The following SETD9 variants were observed in gnomAD, a reference collection of about 807,000 sequenced individuals.
SETD9 encodes SET domain-containing protein 9.
A neutral mutation model predicts 36.4 loss-of-function variants in SETD9; 37 were observed. The ratio of observed to expected loss-of-function variants is 1.02; its 90% CI spans 0.78 to 1.34. The LOEUF (loss-of-function observed/expected upper bound fraction) is 1.34. SETD9 is among the 40% of genes most tolerant of loss of function. The pLI, the probability that SETD9 is intolerant of heterozygous loss-of-function variation, is 0.00. For synonymous variants in SETD9, 128 were observed against 132.9 expected, an observed-to-expected ratio of 0.96 and a Z score of 0.26; for missense variants, 323 against 353.2, an observed-to-expected ratio of 0.91 and a Z score of 0.69.
downstream of SETD9, among the ~76,000 whole-genome samples, chr5:56,927,633 T>C (rs1228699588): frequency 2.0e-5 from 3 of 152,192 alleles, no homozygotes; most frequent in Admixed American, 1.3e-4. Flanking sequence ...AGAGAGTTCC[T>C]ATATATCCTG....
Position 56,914,966 on chromosome 5 carries a change from G to T in SETD9, c.812G>T (p.Ser271Ile). ...PNIAYSYDKQ[S>I]PLRCVVLVAL... Reference sequence around the variant, plus strand: ...ATTGCCTACAGCTATGACAAACAAAGGTTCGTTTGCTAAAAGAGCATTTCA... The same window carrying T: ...ATTGCCTACAGCTATGACAAACAAATGTTCGTTTGCTAAAAGAGCATTTCA... Residue 271 changes from serine to isoleucine, a missense_variant and splice_region_variant, in exon 5 of 6, where the codon AGC (serine) becomes ATC (isoleucine). Ser to Ile is a moderately radical substitution (Grantham distance 142). Transcript: ENST00000285947. 6.3e-7 allele frequency: 1 copy of T among 1,578,842 alleles called. No homozygotes were observed. The highest frequency in any genetic ancestry group is 1.2e-5 in the South Asian group (1 of 86,006).
chr5:56,912,909 GTAAC>G lies in SETD9; in HGVS notation c.467-98_467-95del, dbSNP rs1749219767. 4 of 1,277,706 alleles carry G rather than the reference GTAAC, an allele frequency of 3.1e-6. No individual in the cohort carries two copies. The South Asian group carries it at 5.6e-5, about 18-fold the overall frequency. 79.1% of individuals were successfully genotyped at this position (1,277,706 alleles called of 1,614,324 possible). On this transcript the variant is annotated intron_variant, in intron 2 of 5. Transcript: ENST00000285947. ...GCGTTCACGCTTTAAGAGGGAGAAA[GTAAC>G]TAAAGAGAATGTGATTATATTCCAA... is the stretch of plus-strand genomic sequence containing the variant.
downstream of SETD9, among the ~76,000 whole-genome samples, chr5:56,919,156 C>T (rs1321908673): frequency 2.2e-5 from 3 of 133,562 alleles, no homozygotes; most frequent in Non-Finnish European, 1.5e-5. Flanking sequence ...GATGGAGTCT[C>T]AGTCTGTTGT....
downstream of SETD9, among the ~76,000 whole-genome samples, chr5:56,919,175 G>C (rs1749549813): frequency 6.8e-6 from 1 of 147,216 alleles, no homozygotes; most frequent in Non-Finnish European, 1.5e-5. Context: ...GTCCAGGCTG[G>C]AGTGCAATGG....
upstream of SETD9, chr5:56,909,526 T>C: frequency 1.5e-6 from 1 of 673,960 alleles, no homozygotes; most frequent in East Asian, 3.2e-5. Context: ...CCAGGAACAC[T>C]GAGAGCGGAG....
At position 56,911,177 on chromosome 5, in the gene SETD9, G is replaced by T; in HGVS notation, c.107G>T (p.Arg36Leu). Residue 36 changes from arginine (R) to leucine (L), a missense_variant, in exon 2 of 6, where the codon CGA becomes CTA. Coordinates refer to ENST00000285947, the MANE Select transcript of SETD9 (RefSeq NM_153706.4). ...LNLSHNPRTL[R>L]YVPEESKDKV... ...ACTTTTCCCATTTTCAGGACCCTCC[G>T]ATATGTTCCAGAGGAATCCAAAGAC... is the stretch of plus-strand genomic sequence containing the variant. 6.5e-7 allele frequency: 1 copy of T among 1,540,802 alleles called. No individual in the cohort carries two copies. Among genetic ancestry groups the T allele is most frequent in the South Asian group, 1.3e-5 (1 of 77,256 alleles).
At chr5:56,920,260 T>C (rs1279465868), downstream of SETD9, 1 of 152,508 alleles carries the variant, frequency 6.6e-6, no homozygotes, top group South Asian at 2.1e-4. Flanking sequence ...AACTAAACAT[T>C]TAAAAAGCTA....
rs1430775398 is a variant in SETD9 at position 56,924,123 on chromosome 5, A to G, written c.813-1210A>G. ...AACTTTTCTTTTCCACAACACTACA[A>G]CTTCAATCCATGGGTCTTATTTTCC... On this transcript the variant is annotated intron_variant, in intron 5 of 5. Coordinates refer to the SETD9 transcript ENST00000628593. The G allele has an allele frequency of 3.7e-6, 5 of 1,352,114 alleles. No individual in the cohort carries two copies. The African/African-American group carries it at 7.3e-5, about 20-fold the overall frequency. The allele number at this position is 1,352,114 out of a possible 1,614,324, so 83.8% of individuals were successfully genotyped here. A position where few individuals can be genotyped will look rare whatever the true frequency, so the allele number is the denominator to read the frequency against.
At chr5:56,910,504 C>A in intron 1 of SETD9, 1 of 967,532 alleles carries the variant, frequency 1.0e-6, no homozygotes, top group Non-Finnish European at 1.4e-6. Context: ...AATAGGGAAA[C>A]AAAGCGGTTT....
Position 56,923,984 on chromosome 5 carries a change from T to C in SETD9, c.813-1349T>C, listed in dbSNP as rs756916801. The stretch of plus-strand genomic sequence containing the variant: ...CTGTTGAGCAAAGTAATCATAACGT[T>C]CAGATTTCTTCCACATATAGTAGAA... On this transcript the variant is annotated intron_variant, in intron 5 of 5. Transcript: ENST00000628593. 24 of 1,613,956 alleles carry C rather than the reference T, an allele frequency of 1.5e-5. No individual in the cohort carries two copies. Among genetic ancestry groups the C allele is most frequent in the Non-Finnish European group, 8.5e-7 (1 of 1,179,984 alleles).
At chr5:56,910,864 G>T in intron 1 of SETD9, 1 of 195,398 alleles carries the variant, frequency 5.1e-6, no homozygotes. Context: ...TACTGGCTTT[G>T]GGACCTTGAA....
chr5:56,920,010 GTTTA>G (rs1263771797), downstream of SETD9: 1 of 152,502 alleles, frequency 6.6e-6, no homozygotes, highest in African/African-American at 2.4e-5. Context: ...TGGTGGTCAG[GTTTA>G]TTTGTTAGTT....
downstream of SETD9, among the ~76,000 whole-genome samples, chr5:56,917,887 T>C (rs1749498159): frequency 6.6e-6 from 1 of 152,112 alleles, no homozygotes; most frequent in Non-Finnish European, 1.5e-5. Flanking sequence ...GGAAGGAGGG[T>C]GTTCTTTACT....
intron 5 of SETD9, among the ~76,000 whole-genome samples, chr5:56,924,431 T>TCC (rs996331773): frequency 1.3e-5 from 2 of 152,116 alleles, no homozygotes; most frequent in African/African-American, 4.8e-5. Context: ...CCCTGAGGGG[T>TCC]CCATAAATGG....
At chr5:56,916,316 C>T (rs1047982819) in intron 5 of SETD9, among the ~76,000 whole-genome samples, 29 of 151,384 alleles carry the variant, frequency 1.9e-4, no homozygotes, top group Admixed American at 6.6e-4. Context: ...CGCTTGAACC[C>T]GGGAGGCAGA....
downstream of SETD9, chr5:56,928,845 CCATG>C: frequency 6.2e-7 from 1 of 1,612,952 alleles, no homozygotes; most frequent in Non-Finnish European, 8.5e-7. Flanking sequence ...CTTCTTCCGT[CCATG>C]CAGTCATTCC....
In SETD9 at chr5:56,924,447, AT is replaced by A. The variant is rs576339813; in HGVS notation, c.813-884del. On this transcript the variant is annotated intron_variant, in intron 5 of 5. Transcript: ENST00000628593. ...CCTGAGGGGTCCATAAATGGATTTC[AT>A]TGAGATCTATTAATTCACAAAATTA... is the stretch of plus-strand genomic sequence containing the variant. Among the ~76,000 whole-genome samples, 915 of 152,256 alleles carry A rather than the reference AT, an allele frequency of 6.0e-3. 4 individuals are homozygous for A. The highest frequency in any genetic ancestry group is 0.021 in the African/African-American group (864 of 41,550).
At chr5:56,912,319 T>A in intron 2 of SETD9, 1 of 746,774 alleles carries the variant, frequency 1.3e-6, no homozygotes, top group Non-Finnish European at 1.6e-6. Context: ...ACGTTATGTG[T>A]TAAACTAACA....
chr5:56,923,748 G>A (rs1415759610), intron 5 of SETD9: 2 of 1,614,078 alleles, frequency 1.2e-6, no homozygotes, highest in Non-Finnish European at 1.7e-6. Context: ...TCAGGAATAG[G>A]CTCAGGCCGG....
Sources: gnomAD v4.1 joint callset for allele counts (sites outside exome capture counted in the v4.1 genomes callset) on GRCh38, gnomAD v4.1.1 for gene constraint, MANE v1.5 for transcripts, NCBI Gene and HGNC (gene_info 2026-07-23, HGNC 2026-07-21) for gene names.